Variants in POLG observed in about 807,000 individuals in gnomAD.
POLG encodes the protein DNA polymerase subunit gamma-1.
Under a neutral mutation model 155.4 loss-of-function variants are expected in POLG, and 110 were observed. The observed-to-expected ratio is 0.71, with a 90% CI of 0.61 to 0.83. POLG has a LOEUF of 0.83. Among genes scored for constraint, POLG ranks in the 40% least tolerant of loss-of-function variants. POLG has a pLI of 0.00. For missense variants in POLG, 1,685 were observed against 1,627.5 expected, an observed-to-expected ratio of 1.04 and a Z score of -0.61; for synonymous variants, 701 against 631.5, an observed-to-expected ratio of 1.11 and a Z score of -1.65.
Position 89,333,175 on chromosome 15 carries a change from C to A in POLG, c.580G>T (p.Ala194Ser). The A allele has an allele frequency of 1.3e-6, 2 of 1,564,676 alleles. No homozygotes were observed. Among genetic ancestry groups the A allele is most frequent in the Non-Finnish European group, 1.7e-6 (2 of 1,152,650 alleles). ...AVPVAIPEER[A>S]LVFDVEVCLA... ...CAGACCTCCACGTCGAACACCAGGG[C>A]CCGCTCCTCGGGGATGGCCACGGGT... Residue 194 changes from alanine to serine, a missense_variant, in exon 2 of 23, where the codon GCC becomes TCC. By Grantham distance (99) the Ala-to-Ser change is moderately conservative. Around this residue, in one of 3 missense-constraint regions of POLG, gnomAD observed 1,210 missense variants for 1,167.1 expected, o/e 1.04. Coordinates refer to ENST00000268124, the MANE Select transcript of POLG (RefSeq NM_002693.3).
Position 89,318,972 on chromosome 15 carries a change from A to C in POLG, c.3232T>G (p.Cys1078Gly). ...DIPRTPVLGC[C>G]ISRALEPSAV... ...GAGGGCTCCAGGGCTCGGCTGATGC[A>C]GCAGCCCAGCACCGGGGTACGTGGT... is the stretch of plus-strand genomic sequence containing the variant. Residue 1078 changes from cysteine (C) to glycine (G), a missense_variant, in exon 20 of 23, where the codon TGC becomes GGC. Physicochemically the swap from Cys to Gly is radical, Grantham distance 159. This residue lies in a region of POLG where 470 missense variants were observed against 439.9 expected (regional missense o/e 1.07). Coordinates refer to ENST00000268124, the MANE Select transcript of POLG (RefSeq NM_002693.3). 6.2e-7 allele frequency: 1 copy of C among 1,614,124 alleles called. No individual in the cohort carries two copies.
At chr15:89,323,704 T>G (rs1050689842) in intron 12 of POLG, 111 bp downstream of exon 12, 15 of 996,812 alleles carry the variant, frequency 1.5e-5, no homozygotes, top group African/African-American at 3.2e-5. Flanking sequence ...GGGTGGCATC[T>G]CCAACCCCCT....
intron 10 of POLG, among the ~76,000 whole-genome samples, chr15:89,325,146 GT>G (rs2055477316): frequency 2.0e-5 from 1 of 49,990 alleles, no homozygotes; most frequent in Non-Finnish European, 4.7e-5. Flanking sequence ...GAGTGAGAGA[GT>G]GAGTGAGTGA....
In POLG at chr15:89,322,022, G is replaced by A; in HGVS notation, c.2427-7C>T. 2 of 1,613,908 alleles carry A rather than the reference G, an allele frequency of 1.2e-6. No homozygotes were observed. The highest frequency in any genetic ancestry group is 1.7e-6 in the Non-Finnish European group (2 of 1,179,794). ...CCACACCACCATCTGGGAGCTGTGG[G>A]GACAGACAACGTGAGGCTCAGCACA... On this transcript the variant is annotated splice_region_variant and splice_polypyrimidine_tract_variant and intron_variant, in intron 14 of 22. Coordinates refer to ENST00000268124, the MANE Select transcript of POLG (RefSeq NM_002693.3).
chr15:89,321,885 T>C, intron 15 of POLG, 32 bp from the exon 16 acceptor site: 4 of 1,608,504 alleles, frequency 2.5e-6, no homozygotes, highest in Non-Finnish European at 2.6e-6. Context: ...AAATGGGTCT[T>C]AGCAGGGTGC....
In POLG at chr15:89,334,211, C is replaced by G. The variant is rs550098048; in HGVS notation, c.-159-298G>C. ...CTTCTGGCTCTCTCGAGCTGTGTGA[C>G]CTTGGGCAAAGCTCCTTAGGCCCTG... On this transcript the variant is annotated intron_variant, in intron 1 of 22. Transcript: ENST00000268124. 3.9e-5 allele frequency among the ~76,000 whole-genome samples: 6 copies of G among 152,344 alleles called. No individual in the cohort carries two copies. In the South Asian group the frequency reaches 1.2e-3, roughly 32 times the overall value.
chr15:89,318,795 C>G, intron 20 of POLG, 46 bp from the exon 21 acceptor site: 1 of 1,567,134 alleles, frequency 6.4e-7, no homozygotes, highest in South Asian at 1.1e-5. Flanking sequence ...ATGCTACATA[C>G]CAATTAACTC....
rs768861903 is a variant in POLG at position 89,326,677 on chromosome 15, C to T, written c.1647G>A (p.Leu549=). Residue 549 remains leucine (L), a synonymous_variant, in exon 9 of 23, where the codon TTG becomes TTA. Transcript: ENST00000268124. Reference sequence around the variant, plus strand: ...GCTCTGTGGTCCCCTTCAGCTTCTGCAAGCAGGCGCGGGCCATGACATCTT... The same window carrying T: ...GCTCTGTGGTCCCCTTCAGCTTCTGTAAGCAGGCGCGGGCCATGACATCTT... The part of the protein sequence containing the change: ...FQQDVMARAC[L]QKLKGTTELL... The T allele has an allele frequency of 2.5e-6, 4 of 1,614,106 alleles. No individual in the cohort carries two copies. The East Asian group carries it at 6.7e-5, about 27-fold the overall frequency.
intron 3 of POLG, among the ~76,000 whole-genome samples, chr15:89,329,407 T>C (rs1234875045): frequency 7.9e-5 from 12 of 152,152 alleles, no homozygotes; most frequent in Admixed American, 7.9e-4. Context: ...GCAACGTAGA[T>C]ACAGAGTGGC....
intron 2 of POLG, among the ~76,000 whole-genome samples, chr15:89,330,685 G>A (rs964501141): frequency 6.6e-6 from 1 of 151,242 alleles, no homozygotes; most frequent in African/African-American, 2.4e-5. Flanking sequence ...ACTAGTAAAG[G>A]AGATAGACAA....
rs3202396 is a variant in POLG at position 89,316,450 on chromosome 15, G to A, written c.*301C>T. The stretch of plus-strand genomic sequence containing the variant: ...ACAAAGAACCAGCCAAGAAGAAAAG[G>A]AAAAAATAAATGAAATGCCTGAGTT... On this transcript the variant is annotated 3_prime_UTR_variant, in exon 23 of 23. Transcript: ENST00000268124. 1 of 1,610,654 alleles carries A rather than the reference G, an allele frequency of 6.2e-7. No homozygotes were observed. Among genetic ancestry groups the A allele is most frequent in the Non-Finnish European group, 8.5e-7 (1 of 1,177,942 alleles).
rs962457217 is a variant in POLG, at chr15:89,325,440, T to C, written c.1949+10A>G. 1 of 1,584,832 alleles carries C rather than the reference T, an allele frequency of 6.3e-7. No individual in the cohort carries two copies. The highest frequency in any genetic ancestry group is 8.6e-7 in the Non-Finnish European group (1 of 1,165,114). On this transcript the variant is annotated intron_variant, in intron 10 of 22. Coordinates refer to ENST00000268124, the MANE Select transcript of POLG (RefSeq NM_002693.3). ...CTCCAGCCCCTTCCTCCCCTGGGCCTAAGCCTTACCTGTAGGGGCAGACCA... is the reference window on the plus strand; with the variant it reads ...CTCCAGCCCCTTCCTCCCCTGGGCCCAAGCCTTACCTGTAGGGGCAGACCA...
intron 22 of POLG, 148 bp from the exon 23 acceptor site, chr15:89,316,975 G>A (rs1384473388): frequency 5.8e-6 from 4 of 687,488 alleles, no homozygotes; most frequent in African/African-American, 5.4e-5. Flanking sequence ...CATGTTAGGA[G>A]GGTCTGTTTT....
rs1293230481 is a variant in POLG, at chr15:89,323,949, C to A, written c.2071-48G>T. ...GTAGTGAAGCAGGGGACTGGGTAGG[C>A]CCCAATCCACCAGCCCCTCCCTGCA... On this transcript the variant is annotated intron_variant, in intron 11 of 22. Coordinates refer to ENST00000268124, the MANE Select transcript of POLG (RefSeq NM_002693.3). 3.9e-6 allele frequency: 6 copies of A among 1,535,780 alleles called. No homozygotes were observed. The highest frequency in any genetic ancestry group is 5.4e-6 in the Non-Finnish European group (6 of 1,108,808).
Position 89,333,636 on chromosome 15 carries a change from C to G in POLG, c.119G>C (p.Arg40Pro). 1.5e-5 allele frequency: 24 copies of G among 1,586,442 alleles called. No individual in the cohort carries two copies. The highest frequency in any genetic ancestry group is 2.1e-5 in the Non-Finnish European group (24 of 1,169,590). ...CTGCTGCTGCTGCTGCTGCCGCCGC[C>G]GCTGCCCGTCGCTGGGGTCGGACGC... ...VPASDPSDGQ[R>P]RRQQQQQQQQ... is the part of the protein sequence containing the mutation. The change falls in exon 2 of 23, where the codon CGG becomes CCG. Residue 40 changes from arginine (R) to proline (P), a missense_variant. Around this residue, in one of 3 missense-constraint regions of POLG, gnomAD observed 1,210 missense variants for 1,167.1 expected, o/e 1.04. Coordinates refer to ENST00000268124, the MANE Select transcript of POLG (RefSeq NM_002693.3).
chr15:89,330,764 A>C (rs1411824331), intron 2 of POLG, among the ~76,000 whole-genome samples: 1 of 150,720 alleles, frequency 6.6e-6, no homozygotes, highest in South Asian at 2.1e-4. Context: ...GCTGCTGCAC[A>C]CATGTACAGG....
intron 2 of POLG, among the ~76,000 whole-genome samples, 170 bp from the exon 3 acceptor site, chr15:89,330,446 G>A (rs900480824): frequency 5.9e-5 from 9 of 152,174 alleles, no homozygotes; most frequent in African/African-American, 2.2e-4. Flanking sequence ...GGTGTGGCAG[G>A]GTGGGTGTGT....
chr15:89,332,660 A>G (rs894668226), intron 2 of POLG, among the ~76,000 whole-genome samples: 9 of 152,050 alleles, frequency 5.9e-5, no homozygotes, highest in Non-Finnish European at 1.2e-4. Flanking sequence ...GGGATGCTAA[A>G]TGTCCTATAC....
chr15:89,318,008 T>C (rs2152057830), intron 21 of POLG: 1 of 299,078 alleles, frequency 3.3e-6, no homozygotes. Context: ...ACGGTAATAT[T>C]TAATTCATCC....
Sources: allele counts gnomAD v4.1 joint callset (sites outside exome capture counted in the v4.1 genomes callset), GRCh38; gene constraint gnomAD v4.1.1; regional missense constraint gnomAD v4.1.1; transcripts MANE v1.5; gene names NCBI Gene and HGNC (gene_info 2026-07-23, HGNC 2026-07-21).